FUBP1: variants seen among roughly 807,000 people sequenced by gnomAD.
FUBP1 encodes the protein far upstream element binding protein 1.
In FUBP1, 16 loss-of-function variants were observed where a neutral mutation model predicts 94.9. The observed-to-expected ratio is 0.17, with a 90% CI of 0.11 to 0.26. The LOEUF is 0.26. Ranked by LOEUF, FUBP1 falls within the 10% of genes least tolerant of loss-of-function variation. The pLI is 1.00. For synonymous variants in FUBP1, 279 were observed against 254.9 expected (o/e 1.09, Z -0.90); for missense variants, 583 against 808.6 (o/e 0.72, Z 3.38).
At chr1:77,973,120 A>C (rs547397022) in intron 1 of FUBP1, among the ~76,000 whole-genome samples, 2 of 152,316 alleles carry the variant, frequency 1.3e-5, no homozygotes, top group South Asian at 4.1e-4. Context: ...TAGTTAATTT[A>C]AGAAAAATAG....
At chr1:77,960,044 G>A (rs1048940754) in intron 16 of FUBP1, 140 bp downstream of exon 16, 4 of 653,722 alleles carry the variant, frequency 6.1e-6, no homozygotes, top group South Asian at 1.9e-5. Flanking sequence ...CACTGGGGTA[G>A]AGGCAGTGCC....
intron 1 of FUBP1, among the ~76,000 whole-genome samples, chr1:77,976,145 T>C (rs1658554414): frequency 6.6e-6 from 1 of 152,342 alleles, no homozygotes; most frequent in East Asian, 1.9e-4. Context: ...TTAGGATTAG[T>C]TGAGGATTCT....
intron 17 of FUBP1, 54 bp downstream of exon 17, chr1:77,956,518 A>T (rs1654488476): frequency 7.7e-7 from 1 of 1,301,312 alleles, no homozygotes; most frequent in Non-Finnish European, 1.1e-6. Context: ...TGTACTTCAT[A>T]TATAATTCCA....
intron 3 of FUBP1, 120 bp from the exon 4 acceptor site, chr1:77,967,786 G>T: frequency 1.6e-6 from 1 of 621,436 alleles, no homozygotes; most frequent in Non-Finnish European, 2.7e-6. Flanking sequence ...ACAACACCTT[G>T]AAGAGAGTCA....
At chr1:77,958,643 C>T (rs1221405891) in intron 16 of FUBP1, among the ~76,000 whole-genome samples, 1 of 152,204 alleles carries the variant, frequency 6.6e-6, no homozygotes, top group Non-Finnish European at 1.5e-5. Flanking sequence ...CTGACCAGCT[C>T]TTACAGTAGT....
chr1:77,950,055 G>C (rs888344495), intron 18 of FUBP1, among the ~76,000 whole-genome samples: 4 of 152,170 alleles, frequency 2.6e-5, no homozygotes, highest in Admixed American at 1.3e-4. Flanking sequence ...GAAATGCAAC[G>C]CATGAATCTT....
chr1:77,967,479 T>TTATGG, intron 4 of FUBP1, 148 bp downstream of exon 4: 1 of 602,208 alleles, frequency 1.7e-6, no homozygotes, highest in East Asian at 2.8e-5. Context: ...AATCATCACT[T>TTATGG]TATGGTACCT....
chr1:77,960,646 C>G, intron 14 of FUBP1, 151 bp from the exon 15 acceptor site: 1 of 561,748 alleles, frequency 1.8e-6, no homozygotes, highest in Non-Finnish European at 3.1e-6. Context: ...TTTGCAAAAA[C>G]TATTTCATCT....
At chr1:77,970,075 ACCC>A (rs547454378) in intron 1 of FUBP1, 60 bp from the exon 2 acceptor site, 4 of 756,290 alleles carry the variant, frequency 5.3e-6, no homozygotes, top group East Asian at 3.0e-5. Context: ...TTACTAAATT[ACCC>A]CCATTTACTT....
chr1:77,968,321 A>G, intron 2 of FUBP1, 118 bp from the exon 3 acceptor site: 1 of 659,476 alleles, frequency 1.5e-6, no homozygotes, highest in Non-Finnish European at 2.5e-6. Flanking sequence ...ATGGTTTATC[A>G]TTTGAACCAA....
At chr1:77,954,319 T>G (rs1654043640) in intron 18 of FUBP1, among the ~76,000 whole-genome samples, 2 of 152,226 alleles carry the variant, frequency 1.3e-5, no homozygotes, top group Admixed American at 1.3e-4. Flanking sequence ...AGTTTCTTTT[T>G]GCCGAATTGT....
In FUBP1 at chr1:77,967,810, A is replaced by G. The variant is rs1656790868; in HGVS notation, c.251-144T>C. On this transcript the variant is annotated intron_variant, in intron 3 of 19. Coordinates refer to ENST00000370768, the MANE Select transcript of FUBP1 (RefSeq NM_003902.5). ...TGAAGAGAGTCAAATTTTTTACACA[A>G]TATTTATATTGGCATTGACAGGGGC... The G allele has an allele frequency of 1.0e-5, 6 of 577,838 alleles. 1 individual carries two copies. The South Asian group carries it at 1.3e-4, about 12-fold the overall frequency. 35.8% of individuals were successfully genotyped at this position (577,838 alleles called of 1,614,324 possible).
rs146772160 is a variant in FUBP1, at chr1:77,978,835, C to G, written c.120+50G>C. ...TAAGGGTAGCGGCCTACTCAGTCAG[C>G]GGCCAATTACCGTGAGCTTTCGGGA... On this transcript the variant is annotated intron_variant, in intron 1 of 19. Transcript: ENST00000370768. 1.6e-4 allele frequency: 258 copies of G among 1,608,896 alleles called. 2 individuals carry two copies. The African/African-American group carries it at 3.0e-3, about 19-fold the overall frequency.
At chr1:77,976,077 T>C (rs1045169582) in intron 1 of FUBP1, among the ~76,000 whole-genome samples, 2 of 152,236 alleles carry the variant, frequency 1.3e-5, no homozygotes, top group Non-Finnish European at 2.9e-5. Context: ...AAACTATGCC[T>C]ATATCTCTTC....
rs1166496676 is a variant in FUBP1 at position 77,963,554 on chromosome 1, A to AAG, written c.1183+18_1183+19dup. ...AAAATGAATAATGTGTTAAAACATTAAGAGTTTAAAATACATTGCCTTTTC... is the reference window on the plus strand; with the variant it reads ...AAAATGAATAATGTGTTAAAACATTAAGAGAGTTTAAAATACATTGCCTTTTC... On this transcript the variant is annotated intron_variant, in intron 13 of 19. Coordinates refer to ENST00000370768, the MANE Select transcript of FUBP1 (RefSeq NM_003902.5). 1 of 1,432,340 alleles carries AAG rather than the reference A, an allele frequency of 7.0e-7. No individual in the cohort carries two copies. The highest frequency in any genetic ancestry group is 2.3e-5 in the East Asian group (1 of 43,648). 88.7% of individuals were successfully genotyped at this position (1,432,340 alleles called of 1,614,324 possible).
At chr1:77,950,906 A>G (rs912895554) in intron 18 of FUBP1, among the ~76,000 whole-genome samples, 3 of 152,126 alleles carry the variant, frequency 2.0e-5, no homozygotes, top group Admixed American at 1.3e-4. Context: ...AAAATGCCTG[A>G]AAAAAACCCT....
chr1:77,962,341 G>A (rs1655647700), intron 14 of FUBP1, among the ~76,000 whole-genome samples: 1 of 152,178 alleles, frequency 6.6e-6, no homozygotes, highest in African/African-American at 2.4e-5. Context: ...TGATCTGTGA[G>A]CCAGTCCAAA....
At chr1:77,973,449 T>C (rs1657978917) in intron 1 of FUBP1, among the ~76,000 whole-genome samples, 1 of 152,044 alleles carries the variant, frequency 6.6e-6, no homozygotes, top group Non-Finnish European at 1.5e-5. Context: ...TTTCACCTTG[T>C]TGGCCAGGCT....
At chr1:77,959,437 T>C (rs1226790352) in intron 16 of FUBP1, among the ~76,000 whole-genome samples, 2 of 152,208 alleles carry the variant, frequency 1.3e-5, no homozygotes, top group African/African-American at 4.8e-5. Flanking sequence ...AGTTGTCATA[T>C]GAGGAGTACT....
Sources: gnomAD v4.1 joint callset for allele counts (sites outside exome capture counted in the v4.1 genomes callset) on GRCh38, gnomAD v4.1.1 for gene constraint, MANE v1.5 for transcripts, NCBI Gene and HGNC (gene_info 2026-07-23, HGNC 2026-07-21) for gene names.